The following RBFOX1 variants were observed in gnomAD, a reference collection of about 807,000 sequenced individuals.
RBFOX1 encodes the protein RNA binding fox-1 homolog 1.
In RBFOX1, 8 loss-of-function variants were observed where a neutral mutation model predicts 57.7. That is an observed-to-expected ratio of 0.14 (90% CI 0.08 to 0.25). RBFOX1 has a LOEUF of 0.25. RBFOX1 is among the 10% of genes least tolerant of loss of function. RBFOX1 has a pLI of 1.00. For synonymous variants in RBFOX1, 326 were observed against 222.4 expected (o/e 1.47, Z -4.15); for missense variants, 611 against 548.5 (o/e 1.11, Z -1.14).
intron 3 of RBFOX1, among the ~76,000 whole-genome samples, chr16:6,997,318 T>C (rs1338812311): frequency 1.3e-5 from 2 of 152,188 alleles, no homozygotes; most frequent in Non-Finnish European, 2.9e-5. Flanking sequence ...TAAAATAACA[T>C]ACTTATCAGT....
At chr16:6,995,928 AAAC>A (rs1346004592) in intron 3 of RBFOX1, among the ~76,000 whole-genome samples, 2 of 152,188 alleles carry the variant, frequency 1.3e-5, no homozygotes, top group African/African-American at 2.4e-5. Flanking sequence ...ATATAGGAAA[AAAC>A]AACCCAGTTC....
At chr16:5,483,388 G>A (rs545737228) in intron 2 of RBFOX1, among the ~76,000 whole-genome samples, 1 of 152,290 alleles carries the variant, frequency 6.6e-6, no homozygotes, top group Admixed American at 6.5e-5. Context: ...TGCCCCCAGA[G>A]GAAGTACTGC....
intron 4 of RBFOX1, among the ~76,000 whole-genome samples, chr16:7,070,256 C>T (rs1037825336): frequency 1.1e-4 from 17 of 152,304 alleles, no homozygotes; most frequent in African/African-American, 4.1e-4. Context: ...TTTGCTGCCA[C>T]ATTCCACTCA....
At chr16:6,898,863 A>G (rs1211334008) in intron 3 of RBFOX1, among the ~76,000 whole-genome samples, 1 of 147,318 alleles carries the variant, frequency 6.8e-6, no homozygotes, top group African/African-American at 2.6e-5. Flanking sequence ...GTAATATATT[A>G]CACACATGTA....
Position 5,878,265 on chromosome 16 carries a change from G to T in RBFOX1, c.351+10930G>T, listed in dbSNP as rs372606610. ...TGGTGGTGGTTATAGCGGCAGCAGTGAGAACAGCCAGCAGTTATTAATGCT... is the reference window on the plus strand; with the variant it reads ...TGGTGGTGGTTATAGCGGCAGCAGTTAGAACAGCCAGCAGTTATTAATGCT... On this transcript the variant is annotated intron_variant, in intron 4 of 19. Transcript: ENST00000641259. Among the ~76,000 whole-genome samples, 326 of 152,286 alleles carry T rather than the reference G, an allele frequency of 2.1e-3. 11 individuals are homozygous for T. In the South Asian group the frequency reaches 0.067, roughly 31 times the overall value.
intron 1 of RBFOX1, among the ~76,000 whole-genome samples, chr16:5,410,055 A>G (rs1462796737): frequency 6.9e-6 from 1 of 144,604 alleles, no homozygotes; most frequent in African/African-American, 2.6e-5. Context: ...CTCAAAAAAA[A>G]AAAAAAAAAA....
At chr16:6,467,252 A>G (rs1282921545) in intron 2 of RBFOX1, among the ~76,000 whole-genome samples, 3 of 151,598 alleles carry the variant, frequency 2.0e-5, no homozygotes, top group South Asian at 2.1e-4. Flanking sequence ...ATTACAGTTA[A>G]TGTAATATAA....
intron 4 of RBFOX1, among the ~76,000 whole-genome samples, chr16:7,299,351 G>T (rs144368746): frequency 1.5e-3 from 232 of 152,268 alleles, no homozygotes; most frequent in African/African-American, 5.1e-3. Context: ...TTGTGAACTG[G>T]GTATTGCCTG....
intron 3 of RBFOX1, among the ~76,000 whole-genome samples, chr16:6,871,961 G>GTGTT (rs1286128945): frequency 8.5e-5 from 11 of 129,778 alleles, no homozygotes; most frequent in African/African-American, 3.0e-4. Context: ...GTGTGTGTGT[G>GTGTT]TTTCCCTCGG....
At chr16:6,233,816 C>G (rs2097484545) in intron 1 of RBFOX1, among the ~76,000 whole-genome samples, 1 of 152,144 alleles carries the variant, frequency 6.6e-6, no homozygotes. Flanking sequence ...TTCTCTGTCA[C>G]TAAATGTGGT....
chr16:5,436,939 C>T (rs2067936308), intron 1 of RBFOX1, among the ~76,000 whole-genome samples: 1 of 152,172 alleles, frequency 6.6e-6, no homozygotes, highest in Admixed American at 6.5e-5. Flanking sequence ...TCTTTTCCCC[C>T]ATAGAGAGAG....
intron 1 of RBFOX1, among the ~76,000 whole-genome samples, chr16:6,214,066 C>G (rs569527899): frequency 5.3e-5 from 8 of 152,186 alleles, no homozygotes; most frequent in African/African-American, 1.4e-4. Context: ...CTCTCATACT[C>G]AAATAAGTGT....
chr16:7,428,175 C>T (rs1156773039), intron 4 of RBFOX1, among the ~76,000 whole-genome samples: 2 of 152,056 alleles, frequency 1.3e-5, no homozygotes, highest in African/African-American at 2.4e-5. Context: ...ATAGTGCTTA[C>T]GTATCTTTTC....
At chr16:6,171,466 G>T (rs2096960109) in intron 1 of RBFOX1, among the ~76,000 whole-genome samples, 2 of 152,192 alleles carry the variant, frequency 1.3e-5, no homozygotes, top group South Asian at 4.1e-4. Flanking sequence ...CAGTGCCACA[G>T]CCTAAAAGAT....
chr16:6,957,319 G>C (rs533544073), intron 3 of RBFOX1, among the ~76,000 whole-genome samples: 4 of 151,996 alleles, frequency 2.6e-5, no homozygotes, highest in African/African-American at 7.2e-5. Context: ...TTTTAGTACA[G>C]ACGGGGTTTC....
intron 2 of RBFOX1, among the ~76,000 whole-genome samples, chr16:6,630,034 G>A (rs908252547): frequency 1.3e-5 from 2 of 149,360 alleles, no homozygotes; most frequent in Non-Finnish European, 3.0e-5. Flanking sequence ...ACCCCTTAGT[G>A]TCATCTGCCT....
intron 3 of RBFOX1, among the ~76,000 whole-genome samples, chr16:5,724,699 C>G (rs2052070196): frequency 6.6e-6 from 1 of 152,062 alleles, no homozygotes; most frequent in South Asian, 2.1e-4. Context: ...CACAGAGAGC[C>G]CAGATGGGAA....
intron 2 of RBFOX1, among the ~76,000 whole-genome samples, chr16:6,607,926 A>G (rs1038002030): frequency 6.6e-6 from 1 of 152,202 alleles, no homozygotes; most frequent in African/African-American, 2.4e-5. Context: ...CTGAAATAGA[A>G]TATATACAAA....
intron 4 of RBFOX1, among the ~76,000 whole-genome samples, chr16:7,443,272 A>C (rs529761667): frequency 6.6e-6 from 1 of 151,996 alleles, no homozygotes; most frequent in South Asian, 2.1e-4. Context: ...ACCAAAAGGC[A>C]ATTTTCTTGG....
Sources: allele counts gnomAD v4.1 joint callset (sites outside exome capture counted in the v4.1 genomes callset), GRCh38; gene constraint gnomAD v4.1.1; transcripts MANE v1.5; gene names NCBI Gene and HGNC (gene_info 2026-07-23, HGNC 2026-07-21).